Variants in LEO1 observed in about 807,000 individuals in gnomAD.
The protein encoded by LEO1 is LEO1 component of Paf1/RNA polymerase II complex.
LEO1 carries 34 observed loss-of-function variants against 80.4 expected under a neutral mutation model. The observed-to-expected ratio is 0.42, with a 90% CI of 0.32 to 0.56. The LOEUF (loss-of-function observed/expected upper bound fraction) is 0.56, where lower values mean the gene tolerates loss of function less well. LEO1 is among the 20% of genes least tolerant of loss of function. LEO1 has a pLI of 0.10. For synonymous variants in LEO1, 262 were observed against 274.9 expected (o/e 0.95, Z 0.46); for missense variants, 631 against 814.2 (o/e 0.77, Z 2.74).
At chr15:51,971,285 A>C (rs2057120719) in intron 1 of LEO1, among the ~76,000 whole-genome samples, 1 of 152,098 alleles carries the variant, frequency 6.6e-6, no homozygotes, top group African/African-American at 2.4e-5. Context: ...CCCTCTGTAA[A>C]TTCGCCCACC....
At position 51,953,223 on chromosome 15, in the gene LEO1, T is replaced by C. The variant is rs1432139350; in HGVS notation, c.1381A>G (p.Lys461Glu). ...HLGNEVFDVY[K>E]APLQGDHNHL... ...TTGTGGTCGCCCTGCAGTGGGGCTT[T>C]GTACACATCAAACACTTCATTGCCT... The change falls in exon 8 of 12, where the codon AAA becomes GAA. Residue 461 changes from lysine to glutamate, a missense_variant. Coordinates refer to ENST00000299601, the MANE Select transcript of LEO1 (RefSeq NM_138792.4). 1 of 1,614,156 alleles carries C rather than the reference T, an allele frequency of 6.2e-7. No individual in the cohort carries two copies. Among genetic ancestry groups the C allele is most frequent in the Non-Finnish European group, 8.5e-7 (1 of 1,179,946 alleles).
At chr15:51,947,079 T>A in intron 11 of LEO1, 1 of 529,924 alleles carries the variant, frequency 1.9e-6, no homozygotes, top group Non-Finnish European at 3.4e-6. Context: ...GCAAGAAGTC[T>A]TATCCTCCAT....
chr15:51,965,637 G>A (rs903677900), intron 2 of LEO1, 112 bp downstream of exon 2: 34 of 1,393,268 alleles, frequency 2.4e-5, no homozygotes, highest in Non-Finnish European at 2.1e-5. Flanking sequence ...TTGAAAGGGA[G>A]GGGACAGAAG....
chr15:51,946,707 A>G (rs1025613854), intron 11 of LEO1, among the ~76,000 whole-genome samples: 21 of 151,932 alleles, frequency 1.4e-4, no homozygotes, highest in Non-Finnish European at 2.6e-4. Context: ...CATCCAGCTA[A>G]TTTTTGTATT....
At chr15:51,939,947 T>C (rs2056834345) in intron 11 of LEO1, among the ~76,000 whole-genome samples, 1 of 152,176 alleles carries the variant, frequency 6.6e-6, no homozygotes, top group African/African-American at 2.4e-5. Context: ...GCTGTGAAAT[T>C]CTGCTTTAGA....
intron 1 of LEO1, among the ~76,000 whole-genome samples, chr15:51,970,936 G>C (rs1039460323): frequency 6.6e-6 from 1 of 152,156 alleles, no homozygotes; most frequent in African/African-American, 2.4e-5. Context: ...GAGCAACACA[G>C]TGAGACCCTG....
At chr15:51,939,457 G>A (rs568820747) in intron 11 of LEO1, among the ~76,000 whole-genome samples, 2 of 152,230 alleles carry the variant, frequency 1.3e-5, no homozygotes, top group East Asian at 3.9e-4. Context: ...GGGAAGTTAT[G>A]AATCCACAGT....
chr15:51,941,609 G>C (rs1406641076), intron 11 of LEO1, among the ~76,000 whole-genome samples: 1 of 152,118 alleles, frequency 6.6e-6, no homozygotes, highest in African/African-American at 2.4e-5. Flanking sequence ...CTGGAGAACA[G>C]AGTACCGGCA....
intron 1 of LEO1, among the ~76,000 whole-genome samples, chr15:51,968,151 C>T (rs1417668372): frequency 8.6e-5 from 13 of 151,880 alleles, no homozygotes; most frequent in African/African-American, 3.1e-4. Context: ...GCACTGCACT[C>T]CAGCCTGGGC....
chr15:51,950,040 T>C lies in LEO1; in HGVS notation c.1612-46A>G, dbSNP rs567718752. ...TCTTTAACCTAAAAAGGAGCTACTT[T>C]TGTGCCCACTTGAACCCACTTTTAT... On this transcript the variant is annotated intron_variant, in intron 9 of 11. Transcript: ENST00000299601. 4.0e-6 allele frequency: 6 copies of C among 1,509,380 alleles called. No individual in the cohort carries two copies. In the South Asian group the frequency reaches 7.4e-5, roughly 19 times the overall value. The allele number at this position is 1,509,380 out of a possible 1,614,324, so 93.5% of individuals were successfully genotyped here. A position where few individuals can be genotyped will look rare whatever the true frequency, so the allele number is the denominator to read the frequency against.
Position 51,962,503 on chromosome 15 carries a change from T to A in LEO1, c.815-10A>T. ...CTGCCTCTTGCAGATTCTATAAGGG[T>A]AGAATTAGAAGTTCTGCATAATCAG... On this transcript the variant is annotated splice_polypyrimidine_tract_variant and intron_variant, in intron 2 of 11. Coordinates refer to ENST00000299601, the MANE Select transcript of LEO1 (RefSeq NM_138792.4). 1.3e-6 allele frequency: 2 copies of A among 1,575,052 alleles called. No homozygotes were observed. Among genetic ancestry groups the A allele is most frequent in the Non-Finnish European group, 1.7e-6 (2 of 1,147,824 alleles).
chr15:51,954,429 C>G (rs2056972283), intron 7 of LEO1, 52 bp downstream of exon 7: 2 of 1,031,092 alleles, frequency 1.9e-6, no homozygotes, highest in Non-Finnish European at 3.0e-6. Context: ...AAAACTTGAT[C>G]CCTCTGACCC....
At chr15:51,956,398 C>T (rs576619138) in intron 6 of LEO1, among the ~76,000 whole-genome samples, 4 of 130,270 alleles carry the variant, frequency 3.1e-5, no homozygotes, top group Admixed American at 9.7e-5. Context: ...CCAGCCTGGG[C>T]GACGACAGAG....
Position 51,953,196 on chromosome 15 carries a change from G to T in LEO1, c.1408C>A (p.His470Asn). 1 of 1,613,916 alleles carries T rather than the reference G, an allele frequency of 6.2e-7. No individual in the cohort carries two copies. The highest frequency in any genetic ancestry group is 8.5e-7 in the Non-Finnish European group (1 of 1,179,756). ...YKAPLQGDHN[H>N]LFIRQGTGLQ... is the part of the protein sequence containing the mutation. ...CCAGTACCTTGTCTTATAAAAAGAT[G>T]ATTGTGGTCGCCCTGCAGTGGGGCT... The change falls in exon 8 of 12, where the codon CAT (histidine) becomes AAT (asparagine). Residue 470 changes from histidine (H) to asparagine (N), a missense_variant. By Grantham distance (68) the His-to-Asn change is moderately conservative. Around this residue, in one of 4 missense-constraint regions of LEO1, gnomAD observed 95 missense variants for 171.7 expected, o/e 0.55. Transcript: ENST00000299601.
Position 51,960,687 on chromosome 15 carries a change from A to G in LEO1, c.966T>C (p.Ser322=). The G allele has an allele frequency of 6.2e-7, 1 of 1,612,216 alleles. No individual in the cohort carries two copies. The highest frequency in any genetic ancestry group is 8.5e-7 in the Non-Finnish European group (1 of 1,178,212). The change falls in exon 4 of 12, where the codon TCT becomes TCC. Residue 322 remains serine, a synonymous_variant. Transcript: ENST00000299601. Reference sequence around the variant, plus strand: ...GTTTGTCTTCTCCATCACTCCCTGAAGAGATATCATCTGCACCTCCAAATA... The same window carrying G: ...GTTTGTCTTCTCCATCACTCCCTGAGGAGATATCATCTGCACCTCCAAATA... The part of the protein sequence containing the change: ...MDLFGGADDI[S]SGSDGEDKPP...
rs762842807 is a variant in LEO1 at position 51,965,893 on chromosome 15, C to T, written c.670G>A (p.Asp224Asn). The T allele has an allele frequency of 2.5e-6, 4 of 1,614,134 alleles. No homozygotes were observed. The highest frequency in any genetic ancestry group is 1.1e-5 in the South Asian group (1 of 91,060). ...DERPVASDND[D>N]EKQNSDDEEQ... ...TCATCATCAGAATTCTGTTTCTCAT[C>T]ATCATTATCAGAAGCTACCGGCCGT... Residue 224 changes from aspartate to asparagine, a missense_variant, in exon 2 of 12, where the codon GAT becomes AAT. Physicochemically the swap from Asp to Asn is conservative, Grantham distance 23. Coordinates refer to ENST00000299601, the MANE Select transcript of LEO1 (RefSeq NM_138792.4).
At chr15:51,963,897 CAAAAAA>C (rs1217618326) in intron 2 of LEO1, among the ~76,000 whole-genome samples, 1 of 57,514 alleles carries the variant, frequency 1.7e-5, no homozygotes, top group South Asian at 6.7e-4. Context: ...GACTCTGTCT[CAAAAAA>C]AAAAAAAAAA....
In LEO1 at chr15:51,962,398, C is replaced by A. The variant is rs2057037984; in HGVS notation, c.910G>T (p.Val304Leu). Residue 304 changes from valine (V) to leucine (L), a missense_variant, in exon 3 of 12, where the codon GTG (valine) becomes TTG (leucine). This residue lies in a region of LEO1 where 394 missense variants were observed against 395.6 expected (regional missense o/e 1.00). Transcript: ENST00000299601. ...SDSEADSDTE[V>L]PKDNSGTMDL... ...ATAATAATAGGGATACCTTTTGGCA[C>A]CTCAGTGTCACTATCCGCTTCTGAA... The A allele has an allele frequency of 1.9e-6, 3 of 1,608,310 alleles. No individual in the cohort carries two copies. Among genetic ancestry groups the A allele is most frequent in the Non-Finnish European group, 2.6e-6 (3 of 1,175,660 alleles).
chr15:51,962,925 G>GCGC (rs1566886846), intron 2 of LEO1, among the ~76,000 whole-genome samples: 3 of 146,978 alleles, frequency 2.0e-5, no homozygotes, highest in African/African-American at 7.5e-5. Context: ...TGCAGAACAT[G>GCGC]CCCCCCCCCC....
Sources: gnomAD v4.1 joint callset for allele counts (sites outside exome capture counted in the v4.1 genomes callset) on GRCh38, gnomAD v4.1.1 for gene constraint, gnomAD v4.1.1 regional missense constraint, MANE v1.5 for transcripts, NCBI Gene and HGNC (gene_info 2026-07-23, HGNC 2026-07-21) for gene names.